RARB: variants seen among roughly 807,000 people sequenced by gnomAD.
RARB encodes retinoic acid receptor beta.
Under a neutral mutation model 51.9 loss-of-function variants are expected in RARB, and 17 were observed. The observed-to-expected ratio is 0.33, with a 90% CI of 0.22 to 0.49. RARB has a LOEUF of 0.49. RARB is among the 20% of genes least tolerant of loss of function. The pLI is 0.99. For missense variants in RARB, 369 were observed against 550.8 expected, an observed-to-expected ratio of 0.67 and a Z score of 3.30; for synonymous variants, 215 against 195.4, an observed-to-expected ratio of 1.10 and a Z score of -0.84.
chr3:25,216,663 A>C (rs939652351), intron 5 of RARB, among the ~76,000 whole-genome samples: 6 of 151,706 alleles, frequency 4.0e-5, no homozygotes, highest in Admixed American at 2.0e-4. Context: ...ATGTATACTT[A>C]TTGCAACAAA....
chr3:25,111,450 G>T (rs183415502), intron 3 of RARB, among the ~76,000 whole-genome samples: 1 of 152,004 alleles, frequency 6.6e-6, no homozygotes, highest in South Asian at 2.1e-4. Flanking sequence ...TAGCAGCCTA[G>T]CAAAACTGAT....
Position 25,211,903 on chromosome 3 carries a change from C to G in RARB, c.178+37328C>G, listed in dbSNP as rs905579502. On this transcript the variant is annotated intron_variant, in intron 5 of 11. Transcript: ENST00000383772. ...ATCATGTTTTCTTTTTCTCTTCTTT[C>G]GATCACTTTCCCTTTCTTGCATATA... Among the ~76,000 whole-genome samples, 7 of 152,164 alleles carry G rather than the reference C, an allele frequency of 4.6e-5. No homozygotes were observed. The South Asian group carries it at 1.5e-3, about 32-fold the overall frequency.
chr3:25,094,179 C>G (rs1308948678), intron 3 of RARB, among the ~76,000 whole-genome samples: 1 of 152,140 alleles, frequency 6.6e-6, no homozygotes, highest in African/African-American at 2.4e-5. Flanking sequence ...TTGTCTGTTA[C>G]TTGCATATAG....
At chr3:25,032,779 T>C (rs909403133) in intron 2 of RARB, among the ~76,000 whole-genome samples, 12 of 152,246 alleles carry the variant, frequency 7.9e-5, no homozygotes, top group Non-Finnish European at 1.6e-4. Flanking sequence ...CCCTTTGTTC[T>C]AGTAACTTGC....
At position 25,373,933 on chromosome 3, in the gene RARB, A is replaced by G. The variant is rs1274976210; in HGVS notation, c.179-87260A>G. On this transcript the variant is annotated intron_variant, in intron 5 of 11. Transcript: ENST00000383772. ...TGAGAAGCCAGAGCAGTGTCTGGCT[A>G]GATAGAGTACATGGTTGGGGAACCA... Among the ~76,000 whole-genome samples the G allele has an allele frequency of 2.0e-5, 3 of 152,202 alleles. 1 individual carries two copies. Among genetic ancestry groups the G allele is most frequent in the Admixed American group, 1.3e-4 (2 of 15,280 alleles).
At position 25,186,749 on chromosome 3, in the gene RARB, C is replaced by A. The variant is rs914624006; in HGVS notation, c.178+12174C>A. 3.9e-5 allele frequency among the ~76,000 whole-genome samples: 6 copies of A among 152,098 alleles called. No individual in the cohort carries two copies. The South Asian group carries it at 6.2e-4, about 16-fold the overall frequency. Reference sequence around the variant, plus strand: ...AGAAAAGAAATGATTTTTTTCCTCACCCATCTCTAGATTCATGACTGAGAC... The same window carrying A: ...AGAAAAGAAATGATTTTTTTCCTCAACCATCTCTAGATTCATGACTGAGAC... On this transcript the variant is annotated intron_variant, in intron 5 of 11. Coordinates refer to the RARB transcript ENST00000383772.
intron 2 of RARB, among the ~76,000 whole-genome samples, chr3:25,000,268 T>C (rs1367818227): frequency 6.6e-6 from 1 of 152,124 alleles, no homozygotes; most frequent in Non-Finnish European, 1.5e-5. Flanking sequence ...GCTGACTTCA[T>C]CTATCTTAAT....
chr3:24,982,001 C>G (rs1010556125), intron 2 of RARB, among the ~76,000 whole-genome samples: 1 of 152,152 alleles, frequency 6.6e-6, no homozygotes, highest in African/African-American at 2.4e-5. Context: ...AAAGGGAAAC[C>G]TGGGGAATCT....
At chr3:25,289,634 T>A (rs1703739899) in intron 5 of RARB, among the ~76,000 whole-genome samples, 1 of 152,226 alleles carries the variant, frequency 6.6e-6, no homozygotes, top group Non-Finnish European at 1.5e-5. Context: ...GCACTTTTCC[T>A]TCACCCCTTT....
chr3:25,163,747 A>G (rs1700513494), intron 4 of RARB, among the ~76,000 whole-genome samples: 1 of 152,004 alleles, frequency 6.6e-6, no homozygotes, highest in South Asian at 2.1e-4. Flanking sequence ...GACGCTGGGG[A>G]GACCAAAGTC....
chr3:24,850,761 C>G (rs558383496), intron 1 of RARB, among the ~76,000 whole-genome samples: 1 of 152,338 alleles, frequency 6.6e-6, no homozygotes, highest in South Asian at 2.1e-4. Flanking sequence ...ACCTGAGAGA[C>G]TGTTCAAATG....
chr3:25,518,921 G>A (rs1483793603), intron 3 of RARB, among the ~76,000 whole-genome samples: 3 of 152,096 alleles, frequency 2.0e-5, no homozygotes, highest in Non-Finnish European at 2.9e-5. Context: ...GCTTTCTGGG[G>A]TTGGAACATT....
intron 2 of RARB, among the ~76,000 whole-genome samples, chr3:25,007,923 G>A (rs1045746843): frequency 6.6e-6 from 1 of 152,008 alleles, no homozygotes; most frequent in African/African-American, 2.4e-5. Flanking sequence ...GGCAAATTAT[G>A]GAACATGAGC....
At chr3:25,455,158 C>G (rs1694845215) in intron 1 of RARB, among the ~76,000 whole-genome samples, 1 of 152,200 alleles carries the variant, frequency 6.6e-6, no homozygotes, top group South Asian at 2.1e-4. Context: ...ACATTGAGAG[C>G]AAGTGTTTCA....
chr3:25,202,264 T>G (rs2125371548), intron 5 of RARB, among the ~76,000 whole-genome samples: 1 of 152,346 alleles, frequency 6.6e-6, no homozygotes, highest in Middle Eastern at 3.4e-3. Flanking sequence ...TGTATTTATG[T>G]GGGATTGGTG....
chr3:25,022,055 A>G (rs1697650482), intron 2 of RARB, among the ~76,000 whole-genome samples: 1 of 152,210 alleles, frequency 6.6e-6, no homozygotes, highest in South Asian at 2.1e-4. Flanking sequence ...AGTAGGTGGT[A>G]AAATCCTAAG....
At chr3:25,513,661 T>TACACACACACACACACACACACAC (rs10525876) in intron 3 of RARB, among the ~76,000 whole-genome samples, 4,969 of 145,030 alleles carry the variant, frequency 0.034, 120 homozygotes, top group African/African-American at 0.054. Context: ...CTCTCAAAAC[T>TACACACACACACACACACACACAC]ACACACACAC....
intron 4 of RARB, among the ~76,000 whole-genome samples, chr3:25,158,372 C>G (rs1454055917): frequency 6.6e-6 from 1 of 152,164 alleles, no homozygotes; most frequent in Non-Finnish European, 1.5e-5. Context: ...GTTACAATTG[C>G]TTATAATCTC....
chr3:25,317,975 G>T (rs1019960607), intron 5 of RARB, among the ~76,000 whole-genome samples: 1 of 152,100 alleles, frequency 6.6e-6, no homozygotes, highest in Admixed American at 6.6e-5. Flanking sequence ...CACTGCTGTT[G>T]TTGGAAACAA....
Sources: allele counts gnomAD v4.1 joint callset (sites outside exome capture counted in the v4.1 genomes callset), GRCh38; gene constraint gnomAD v4.1.1; transcripts MANE v1.5; gene names NCBI Gene and HGNC (gene_info 2026-07-23, HGNC 2026-07-21).